Variants in ANO10 observed in about 807,000 individuals in gnomAD.
ANO10 encodes the protein anoctamin 10.
In ANO10, 77 loss-of-function variants were observed where a neutral mutation model predicts 74.7. That is an observed-to-expected ratio of 1.03 (90% CI 0.86 to 1.25). The LOEUF is 1.25. Ranked by LOEUF, ANO10 falls within the 50% of genes most tolerant of loss-of-function variation. The pLI, the probability that ANO10 is intolerant of heterozygous loss-of-function variation, is 0.00. For synonymous variants in ANO10, 279 were observed against 284.9 expected, an observed-to-expected ratio of 0.98 and a Z score of 0.21; for missense variants, 721 against 778.1, an observed-to-expected ratio of 0.93 and a Z score of 0.87.
chr3:43,500,540 CT>C (rs750970744), intron 11 of ANO10, among the ~76,000 whole-genome samples: 37 of 152,216 alleles, frequency 2.4e-4, no homozygotes, highest in Non-Finnish European at 5.3e-4. Context: ...CTGATATCCA[CT>C]GTAAAATACA....
rs570213820 is a variant in ANO10 at position 43,574,934 on chromosome 3, G to C, written c.1163-70C>G. 1.3e-5 allele frequency: 17 copies of C among 1,339,228 alleles called. No individual in the cohort carries two copies. In the East Asian group the frequency reaches 3.7e-4, roughly 29 times the overall value. 83.0% of individuals were successfully genotyped at this position (1,339,228 alleles called of 1,614,324 possible). A position where few individuals can be genotyped will look rare whatever the true frequency, so the allele number is the denominator to read the frequency against. On this transcript the variant is annotated intron_variant, in intron 6 of 12. Transcript: ENST00000292246. ...TACGAAAGCACTGTTATGAGGTAAA[G>C]TGAGTTGCATTGAGGGCGGAGATGT...
chr3:43,395,529 T>C (rs1209584642), intron 12 of ANO10, among the ~76,000 whole-genome samples: 1 of 152,234 alleles, frequency 6.6e-6, no homozygotes, highest in Non-Finnish European at 1.5e-5. Context: ...CCAGAACCGT[T>C]TATTGAAAAG....
chr3:43,540,718 GCCTGCAC>G (rs1381253903), intron 11 of ANO10, among the ~76,000 whole-genome samples: 3 of 152,156 alleles, frequency 2.0e-5, no homozygotes, highest in Non-Finnish European at 4.4e-5. Context: ...GGCCAACAGA[GCCTGCAC>G]TAGTCAGGGC....
chr3:43,681,305 A>T (rs894573368), intron 1 of ANO10, among the ~76,000 whole-genome samples: 7 of 152,060 alleles, frequency 4.6e-5, no homozygotes, highest in African/African-American at 1.7e-4. Context: ...CAGACTTTAA[A>T]CCAACAAAGA....
At chr3:43,371,146 C>T (rs2091595389) in intron 12 of ANO10, among the ~76,000 whole-genome samples, 1 of 152,170 alleles carries the variant, frequency 6.6e-6, no homozygotes, top group Admixed American at 6.5e-5. Flanking sequence ...GCAACTACTC[C>T]ATTACCCCTT....
intron 11 of ANO10, among the ~76,000 whole-genome samples, chr3:43,510,137 T>C (rs2077453769): frequency 6.6e-6 from 1 of 152,012 alleles, no homozygotes; most frequent in Admixed American, 6.6e-5. Context: ...CAAAACTGTA[T>C]AGAACTAAAC....
At chr3:43,441,435 A>G (rs2093158531) in intron 11 of ANO10, among the ~76,000 whole-genome samples, 1 of 152,078 alleles carries the variant, frequency 6.6e-6, no homozygotes, top group African/African-American at 2.4e-5. Context: ...ATTCCTAGAA[A>G]CATGCAACCT....
At chr3:43,666,735 G>T (rs1575585857) in intron 1 of ANO10, among the ~76,000 whole-genome samples, 1 of 152,278 alleles carries the variant, frequency 6.6e-6, no homozygotes, top group East Asian at 1.9e-4. Flanking sequence ...GGTGCCAGCA[G>T]ATTTGCCATC....
chr3:43,384,063 C>T (rs1024749495), intron 12 of ANO10, among the ~76,000 whole-genome samples: 1 of 152,084 alleles, frequency 6.6e-6, no homozygotes, highest in Non-Finnish European at 1.5e-5. Context: ...TACATGAATT[C>T]GGCAAAGTTT....
chr3:43,401,924 G>T (rs1040232229), intron 12 of ANO10, among the ~76,000 whole-genome samples: 4 of 152,094 alleles, frequency 2.6e-5, no homozygotes, highest in African/African-American at 9.7e-5. Context: ...CAAGGGAGTG[G>T]GTGTCACCCT....
intron 1 of ANO10, among the ~76,000 whole-genome samples, chr3:43,664,615 T>A (rs963043082): frequency 3.3e-5 from 5 of 151,792 alleles, no homozygotes; most frequent in Admixed American, 6.6e-5. Flanking sequence ...TGGGAGAAAA[T>A]TTTTGCAATC....
chr3:43,593,906 A>C (rs572221895), intron 4 of ANO10, among the ~76,000 whole-genome samples: 1 of 152,328 alleles, frequency 6.6e-6, no homozygotes, highest in East Asian at 1.9e-4. Flanking sequence ...AAATAAAGGG[A>C]TGGAGGAGGA....
At chr3:43,652,830 ACT>A (rs1292454320) in intron 1 of ANO10, 1 of 151,808 alleles carries the variant, frequency 6.6e-6, no homozygotes, top group Non-Finnish European at 1.5e-5. Context: ...TATTAAAAAT[ACT>A]GTTAATAAAA....
chr3:43,419,570 C>T (rs2092790305), intron 12 of ANO10, among the ~76,000 whole-genome samples: 1 of 149,836 alleles, frequency 6.7e-6, no homozygotes, highest in Non-Finnish European at 1.5e-5. Context: ...GTTGCCCAGG[C>T]TGGAGTGTGA....
At chr3:43,605,664 A>G (rs369705072) in intron 2 of ANO10, 50 bp downstream of exon 2, 27 of 1,600,974 alleles carry the variant, frequency 1.7e-5, no homozygotes, top group East Asian at 2.2e-5. Context: ...GAGGCTGAGC[A>G]TACAGTGTGG....
intron 12 of ANO10, among the ~76,000 whole-genome samples, chr3:43,406,174 C>A: frequency 6.6e-6 from 1 of 152,194 alleles, no homozygotes; most frequent in East Asian, 1.9e-4. Context: ...TGCATGGCAA[C>A]CACTCCGTGC....
intron 7 of ANO10, among the ~76,000 whole-genome samples, chr3:43,566,793 AG>A (rs945702205): frequency 5.3e-5 from 8 of 152,272 alleles, no homozygotes; most frequent in African/African-American, 1.9e-4. Flanking sequence ...CCTCCTCCAA[AG>A]GAACGCAGTT....
At chr3:43,626,016 T>G (rs1274627450), upstream of ANO10, among the ~76,000 whole-genome samples, 3 of 151,812 alleles carry the variant, frequency 2.0e-5, no homozygotes, top group Admixed American at 2.0e-4. Flanking sequence ...TCACTGCAAC[T>G]TCCGCCTCAC....
chr3:43,657,151 C>T (rs1225528863), intron 1 of ANO10, among the ~76,000 whole-genome samples: 2 of 152,218 alleles, frequency 1.3e-5, no homozygotes, highest in Non-Finnish European at 2.9e-5. Context: ...CTTTTCCTGT[C>T]TTCTCCAAGG....
Sources: allele counts gnomAD v4.1 joint callset (sites outside exome capture counted in the v4.1 genomes callset), GRCh38; gene constraint gnomAD v4.1.1; transcripts MANE v1.5; gene names NCBI Gene and HGNC (gene_info 2026-07-23, HGNC 2026-07-21).